Variants in HMCN1 observed in about 807,000 individuals in gnomAD.
The protein encoded by HMCN1 is hemicentin-1.
HMCN1 carries 321 observed loss-of-function variants against 625.9 expected under a neutral mutation model. That is an observed-to-expected ratio of 0.51 (90% CI 0.47 to 0.56). The LOEUF (loss-of-function observed/expected upper bound fraction) is 0.56, where lower values mean the gene tolerates loss of function less well. Among genes scored for constraint, HMCN1 ranks in the 20% least tolerant of loss-of-function variants. The pLI is 0.00. For missense variants in HMCN1, 6,588 were observed against 6,887.3 expected (o/e 0.96, Z 1.54); for synonymous variants, 2,425 against 2,417.6 (o/e 1.00, Z -0.09).
intron 11 of HMCN1, among the ~76,000 whole-genome samples, chr1:185,948,224 T>G (rs559671447): frequency 6.6e-6 from 1 of 152,336 alleles, no homozygotes; most frequent in South Asian, 2.1e-4. Flanking sequence ...CAGTTTCTCA[T>G]GTAGCATTGC....
chr1:186,087,096 A>T, intron 58 of HMCN1, 121 bp from the exon 59 acceptor site: 1 of 712,650 alleles, frequency 1.4e-6, no homozygotes, highest in Non-Finnish European at 2.6e-6. Flanking sequence ...TTAAATAGGA[A>T]GGCTTCTCTA....
chr1:185,768,359 T>C (rs1656005492), intron 1 of HMCN1, among the ~76,000 whole-genome samples: 1 of 152,186 alleles, frequency 6.6e-6, no homozygotes, highest in Non-Finnish European at 1.5e-5. Flanking sequence ...TAAGAATTTT[T>C]AGAGGAGAGG....
chr1:186,150,949 T>G (rs1490556608), intron 93 of HMCN1, among the ~76,000 whole-genome samples: 1 of 152,144 alleles, frequency 6.6e-6, no homozygotes, highest in Non-Finnish European at 1.5e-5. Flanking sequence ...TTCTTTGGCT[T>G]ATGAAATATT....
Position 186,026,834 on chromosome 1 carries a change from C to T in HMCN1, c.5749+3681C>T, listed in dbSNP as rs1033041133. Among the ~76,000 whole-genome samples the T allele has an allele frequency of 3.9e-5, 6 of 151,992 alleles. No homozygotes were observed. In the South Asian group the frequency reaches 1.2e-3, roughly 32 times the overall value. Reference sequence around the variant, plus strand: ...ACTTTTTGTAGAGATGGGATTTCACCATGTTGCCCAGGCTGGTCTTGAACT... The same window carrying T: ...ACTTTTTGTAGAGATGGGATTTCACTATGTTGCCCAGGCTGGTCTTGAACT... On this transcript the variant is annotated intron_variant, in intron 36 of 106. Transcript: ENST00000271588.
chr1:185,947,492 T>C (rs1668407908), intron 11 of HMCN1, among the ~76,000 whole-genome samples: 1 of 152,312 alleles, frequency 6.6e-6, no homozygotes, highest in South Asian at 2.1e-4. Flanking sequence ...AACTGCCACA[T>C]TGATAAACCA....
chr1:185,998,114 G>T (rs1652933186), intron 25 of HMCN1, among the ~76,000 whole-genome samples: 2 of 152,082 alleles, frequency 1.3e-5, no homozygotes, highest in African/African-American at 4.8e-5. Context: ...GAAAAGGACT[G>T]TCACTTTCAC....
rs371900550 is a variant in HMCN1 at position 186,117,449 on chromosome 1, G to A, written c.11684-10G>A. ...AGTTTTTTCCCTTTTTGTTGTTGTT[G>A]TTGTTTTAGTTCCACCTTCCATAGC... On this transcript the variant is annotated splice_polypyrimidine_tract_variant and intron_variant, in intron 76 of 106. Transcript: ENST00000271588. 37 of 1,612,892 alleles carry A rather than the reference G, an allele frequency of 2.3e-5. No individual in the cohort carries two copies. The highest frequency in any genetic ancestry group is 1.3e-4 in the African/African-American group (10 of 74,820).
At chr1:186,132,590 TA>T (rs1462938092) in intron 86 of HMCN1, among the ~76,000 whole-genome samples, 181 bp downstream of exon 86, 16 of 152,294 alleles carry the variant, frequency 1.1e-4, no homozygotes, top group Non-Finnish European at 1.9e-4. Flanking sequence ...AACACACAGA[TA>T]TTTTTCTCTA....
intron 11 of HMCN1, among the ~76,000 whole-genome samples, chr1:185,942,756 G>C (rs187543182): frequency 6.6e-6 from 1 of 152,008 alleles, no homozygotes; most frequent in Non-Finnish European, 1.5e-5. Flanking sequence ...ACAGGTTAAG[G>C]GGTTAATCCC....
Position 186,189,755 on chromosome 1 carries a change from A to C in HMCN1, c.16785A>C (p.Arg5595=), listed in dbSNP as rs1389485168. 7 of 1,613,712 alleles carry C rather than the reference A, an allele frequency of 4.3e-6. No homozygotes were observed. Among genetic ancestry groups the C allele is most frequent in the Non-Finnish European group, 5.9e-6 (7 of 1,179,828 alleles). ...TGAAAGGAGTGGTGTATACAACACGACCACTACGAGAAGCAGAGACCTACC... is the reference window on the plus strand; with the variant it reads ...TGAAAGGAGTGGTGTATACAACACGCCCACTACGAGAAGCAGAGACCTACC... The part of the protein sequence containing the change: ...ENLKGVVYTT[R]PLREAETYRM... Residue 5595 remains arginine (R), a synonymous_variant, in exon 107 of 107, where the codon CGA becomes CGC. Transcript: ENST00000271588.
At chr1:186,034,795 T>G (rs1383231600) in intron 36 of HMCN1, among the ~76,000 whole-genome samples, 1 of 152,224 alleles carries the variant, frequency 6.6e-6, no homozygotes, top group Non-Finnish European at 1.5e-5. Flanking sequence ...TTTGGTTAAT[T>G]TCCCAAGTTC....
At chr1:185,748,910 G>GT (rs1654609614) in intron 1 of HMCN1, among the ~76,000 whole-genome samples, 1 of 152,190 alleles carries the variant, frequency 6.6e-6, no homozygotes, top group Non-Finnish European at 1.5e-5. Context: ...TACTGGCTCT[G>GT]TAACTGGGCA....
At position 185,963,904 on chromosome 1, in the gene HMCN1, A is replaced by G. The variant is rs770393071; in HGVS notation, c.2098+9A>G. The G allele has an allele frequency of 6.2e-7, 1 of 1,609,892 alleles. No individual in the cohort carries two copies. Among genetic ancestry groups the G allele is most frequent in the Non-Finnish European group, 8.5e-7 (1 of 1,176,472 alleles). On this transcript the variant is annotated intron_variant, in intron 13 of 106. Transcript: ENST00000271588. ...TACTCTCAGATACATTGGCAAGTATAATCACTTTAAAAGGCAATTAAAATA... is the reference window on the plus strand; with the variant it reads ...TACTCTCAGATACATTGGCAAGTATGATCACTTTAAAAGGCAATTAAAATA...
At position 186,120,019 on chromosome 1, in the gene HMCN1, C is replaced by T. The variant is rs1436524438; in HGVS notation, c.12103C>T (p.His4035Tyr). ...TTGTAACTATGTTGTAGGCAGAAAC[C>T]ATGCAGTTCTTCCTAGTGGCGGCTT... ...GINVNTSGRN[H>Y]AVLPSGGLQI... is the part of the protein sequence containing the mutation. The change falls in exon 80 of 107, where the codon CAT becomes TAT. Residue 4035 changes from histidine to tyrosine, a missense_variant. By Grantham distance (83) the His-to-Tyr change is moderately conservative (BLOSUM62 2). This residue lies in a region of HMCN1 where 1,954 missense variants were observed against 2,013.1 expected (regional missense o/e 0.97). Transcript: ENST00000271588. The T allele has an allele frequency of 1.9e-6, 3 of 1,613,786 alleles. No homozygotes were observed. In the East Asian group the frequency reaches 6.7e-5, roughly 36 times the overall value.
Position 185,888,789 on chromosome 1 carries a change from C to T in HMCN1, c.622-20548C>T, listed in dbSNP as rs993133905. On this transcript the variant is annotated intron_variant, in intron 4 of 106. Coordinates refer to ENST00000271588, the MANE Select transcript of HMCN1 (RefSeq NM_031935.3). ...TTGGCTTAGGATTGACTTGGCGATG[C>T]GGGCTCTTTTTTGGTTCCATATGAA... is the stretch of plus-strand genomic sequence containing the variant. Among the ~76,000 whole-genome samples, 42 of 144,150 alleles carry T rather than the reference C, an allele frequency of 2.9e-4. 1 individual carries two copies. The highest frequency in any genetic ancestry group is 6.8e-4 in the African/African-American group (24 of 35,458). 94.6% of individuals were successfully genotyped at this position (144,150 alleles called of 152,430 possible).
intron 1 of HMCN1, among the ~76,000 whole-genome samples, chr1:185,794,683 T>C (rs550446083): frequency 3.8e-4 from 56 of 148,716 alleles, no homozygotes; most frequent in African/African-American, 1.3e-3. Context: ...CCAGATTAAG[T>C]ATGGGTCTGC....
At chr1:186,122,907 C>T (rs537458280) in intron 80 of HMCN1, 44 bp from the exon 81 acceptor site, 2 of 1,599,132 alleles carry the variant, frequency 1.3e-6, no homozygotes, top group African/African-American at 1.3e-5. Flanking sequence ...CGCACTCATG[C>T]TTCTAAGATA....
At chr1:186,053,165 T>C (rs1285839060) in intron 43 of HMCN1, 91 bp downstream of exon 43, 6 of 1,289,672 alleles carry the variant, frequency 4.7e-6, no homozygotes, top group Non-Finnish European at 6.6e-6. Flanking sequence ...TATAAACAAA[T>C]TTTCCTGGGG....
At chr1:185,959,346 T>A (rs1011593345) in intron 11 of HMCN1, among the ~76,000 whole-genome samples, 8 of 152,106 alleles carry the variant, frequency 5.3e-5, no homozygotes, top group Non-Finnish European at 8.8e-5. Flanking sequence ...TTCCCTAGTT[T>A]TTGTAGGCAG....
Sources: gnomAD v4.1 joint callset for allele counts (sites outside exome capture counted in the v4.1 genomes callset) on GRCh38, gnomAD v4.1.1 for gene constraint, gnomAD v4.1.1 regional missense constraint, MANE v1.5 for transcripts, NCBI Gene and HGNC (gene_info 2026-07-23, HGNC 2026-07-21) for gene names.